PKD2: variants seen among roughly 807,000 people sequenced by gnomAD.
The protein encoded by PKD2 is polycystin 2, transient receptor potential cation channel, also known as polycystin-2.
A neutral mutation model predicts 105.9 loss-of-function variants in PKD2; 48 were observed. The ratio of observed to expected loss-of-function variants is 0.45; its 90% CI spans 0.36 to 0.58. PKD2 has a LOEUF of 0.58. Ranked by LOEUF, PKD2 falls within the 20% of genes least tolerant of loss-of-function variation. PKD2 has a pLI of 0.00. For synonymous variants in PKD2, 464 were observed against 481.1 expected (o/e 0.96, Z 0.46); for missense variants, 1,078 against 1,255.3 (o/e 0.86, Z 2.13).
intron 5 of PKD2, among the ~76,000 whole-genome samples, chr4:88,043,769 G>A (rs111833353): frequency 1.3e-5 from 2 of 152,128 alleles, no homozygotes; most frequent in African/African-American, 4.8e-5. Context: ...TATAAGGATG[G>A]TTAGTGCCAC....
At chr4:88,057,732 C>A (rs1720416820) in intron 8 of PKD2, among the ~76,000 whole-genome samples, 1 of 152,154 alleles carries the variant, frequency 6.6e-6, no homozygotes, top group Non-Finnish European at 1.5e-5. Flanking sequence ...CCGTGCCCAG[C>A]TTGTGTTTTC....
Position 88,043,423 on chromosome 4 carries a change from T to C in PKD2, c.1285T>C (p.Tyr429His). The change falls in exon 5 of 15, where the codon TAC becomes CAC. Residue 429 changes from tyrosine (Y) to histidine (H), a missense_variant. Transcript: ENST00000237596. Reference protein sequence around the residue: ...TRATFIDFSVYNANINLFCVV... With the variant: ...TRATFIDFSVHNANINLFCVV... ...GGCAACTTTTATTGACTTCTCAGTG[T>C]ACAACGCCAACATTAACCTGTTCTG... 1 of 1,613,722 alleles carries C rather than the reference T, an allele frequency of 6.2e-7. No homozygotes were observed. Among genetic ancestry groups the C allele is most frequent in the Non-Finnish European group, 8.5e-7 (1 of 1,179,668 alleles).
chr4:88,058,934 A>G (rs1487251088), intron 9 of PKD2, among the ~76,000 whole-genome samples: 3 of 152,178 alleles, frequency 2.0e-5, no homozygotes, highest in Non-Finnish European at 4.4e-5. Context: ...TCTAAACACT[A>G]ACAGTCATCT....
chr4:88,071,561 T>TTTG (rs146214957), intron 13 of PKD2, among the ~76,000 whole-genome samples: 26 of 152,120 alleles, frequency 1.7e-4, no homozygotes, highest in African/African-American at 4.3e-4. Flanking sequence ...GTTGTTTTGT[T>TTTG]TTGTTGTTGT....
intron 3 of PKD2, among the ~76,000 whole-genome samples, chr4:88,036,738 A>G (rs962304453): frequency 2.0e-5 from 3 of 152,216 alleles, no homozygotes; most frequent in Admixed American, 6.5e-5. Context: ...CAGCTACTTC[A>G]TCCTAGTTTG....
At chr4:88,019,278 A>G (rs1382786479) in intron 1 of PKD2, among the ~76,000 whole-genome samples, 180 bp from the exon 2 acceptor site, 1 of 152,220 alleles carries the variant, frequency 6.6e-6, no homozygotes, top group East Asian at 1.9e-4. Context: ...GTACTCTTAA[A>G]TAAAAGGTAG....
rs1013767312 is a variant in PKD2 at position 88,020,742 on chromosome 4, T to G, written c.709+1171T>G. Among the ~76,000 whole-genome samples, 187 of 149,910 alleles carry G rather than the reference T, an allele frequency of 1.2e-3. 3 individuals carry two copies. Among genetic ancestry groups the G allele is most frequent in the African/African-American group, 4.3e-3 (176 of 40,668 alleles). On this transcript the variant is annotated intron_variant, in intron 2 of 14. Transcript: ENST00000237596. The stretch of plus-strand genomic sequence containing the variant: ...TCTTGATCTGTTTCACAGGCCGGAG[T>G]GCAGTGGCACAATCATAGCTCACTG...
Position 88,043,387 on chromosome 4 carries a change from C to T in PKD2, c.1249C>T (p.Arg417Ter), listed in dbSNP as rs1324209174. The T allele has an allele frequency of 4.3e-6, 7 of 1,613,828 alleles. No individual in the cohort carries two copies. The highest frequency in any genetic ancestry group is 1.3e-5 in the African/African-American group (1 of 74,880). Reference sequence around the variant, plus strand: ...CCTCAAGAAAAATGTCTGGCTGGACCGAGGAACCAGGGCAACTTTTATTGA... The same window carrying T: ...CCTCAAGAAAAATGTCTGGCTGGACTGAGGAACCAGGGCAACTTTTATTGA... ...ASLKKNVWLDRGTRATFIDFS... is the reference protein window; with the variant it reads ...ASLKKNVWLD Residue 417 changes from arginine (R) to a stop codon, truncating the protein, a stop_gained, in exon 5 of 15, where the codon CGA becomes TGA. Transcript: ENST00000237596. LOFTEE classifies it high-confidence loss of function.
intron 1 of PKD2, among the ~76,000 whole-genome samples, chr4:88,014,156 G>A (rs1462029154): frequency 6.6e-6 from 1 of 152,176 alleles, no homozygotes; most frequent in African/African-American, 2.4e-5. Flanking sequence ...TCCATGGGAG[G>A]GATAAGAAGA....
At chr4:88,050,078 C>T (rs1190215789) in intron 6 of PKD2, among the ~76,000 whole-genome samples, 1 of 150,896 alleles carries the variant, frequency 6.6e-6, no homozygotes, top group African/African-American at 2.4e-5. Flanking sequence ...GGGTTCACGC[C>T]ATTCTCCCTC....
intron 14 of PKD2, among the ~76,000 whole-genome samples, chr4:88,075,180 T>G (rs896008985): frequency 6.6e-6 from 1 of 152,238 alleles, no homozygotes; most frequent in African/African-American, 2.4e-5. Flanking sequence ...ATCAATGTAG[T>G]CATATTGTCT....
At chr4:88,060,749 G>T (rs1461628602) in intron 9 of PKD2, among the ~76,000 whole-genome samples, 1 of 152,130 alleles carries the variant, frequency 6.6e-6, no homozygotes, top group African/African-American at 2.4e-5. Flanking sequence ...CATTACTACT[G>T]TGGAAGGGAA....
chr4:88,065,844 C>T lies in PKD2; in HGVS notation c.2323C>T (p.His775Tyr). 1 of 1,612,972 alleles carries T rather than the reference C, an allele frequency of 6.2e-7. No individual in the cohort carries two copies. Among genetic ancestry groups the T allele is most frequent in the Non-Finnish European group, 8.5e-7 (1 of 1,179,008 alleles). The part of the protein sequence containing the change: ...DGDQELTEHE[H>Y]QQMRDDLEKE... Reference sequence around the variant, plus strand: ...AGACCAAGAACTGACCGAACATGAACATCAGCAGATGAGAGACGACTTGGA... The same window carrying T: ...AGACCAAGAACTGACCGAACATGAATATCAGCAGATGAGAGACGACTTGGA... Residue 775 changes from histidine to tyrosine, a missense_variant, in exon 12 of 15, where the codon CAT (histidine) becomes TAT (tyrosine). Physicochemically the swap from His to Tyr is moderately conservative, Grantham distance 83. This residue lies in a region of PKD2 where 868 missense variants were observed against 1,067.3 expected (regional missense o/e 0.81). Transcript: ENST00000237596.
intron 9 of PKD2, among the ~76,000 whole-genome samples, chr4:88,058,866 A>G (rs192971657): frequency 7.0e-4 from 106 of 152,272 alleles, no homozygotes; most frequent in African/African-American, 2.2e-3. Flanking sequence ...TAACATTTAT[A>G]TATTCAATTG....
chr4:88,015,444 A>G (rs761220743), intron 1 of PKD2, among the ~76,000 whole-genome samples: 2 of 152,032 alleles, frequency 1.3e-5, no homozygotes, highest in African/African-American at 4.8e-5. Flanking sequence ...ACGGAGTTTC[A>G]CTCTTTTGCC....
intron 2 of PKD2, among the ~76,000 whole-genome samples, chr4:88,025,832 G>A (rs1245049902): frequency 6.6e-6 from 1 of 152,002 alleles, no homozygotes; most frequent in African/African-American, 2.4e-5. Context: ...TGGTTGTTTG[G>A]TAGGTGTCTG....
At chr4:88,022,172 T>C (rs1726775927) in intron 2 of PKD2, among the ~76,000 whole-genome samples, 1 of 152,222 alleles carries the variant, frequency 6.6e-6, no homozygotes, top group African/African-American at 2.4e-5. Flanking sequence ...GGGACCATAG[T>C]GGAGGACTCC....
chr4:88,032,930 A>C (rs1727211578), intron 2 of PKD2, among the ~76,000 whole-genome samples: 1 of 152,172 alleles, frequency 6.6e-6, no homozygotes, highest in Middle Eastern at 3.2e-3. Context: ...AATCATGAAC[A>C]GAGGCAGATG....
chr4:88,063,491 A>G (rs945538308), intron 10 of PKD2, among the ~76,000 whole-genome samples: 1 of 151,816 alleles, frequency 6.6e-6, no homozygotes, highest in East Asian at 1.9e-4. Flanking sequence ...AGATCGTGCC[A>G]TTGCACTCCA....
Sources: gnomAD v4.1 joint callset for allele counts (sites outside exome capture counted in the v4.1 genomes callset) on GRCh38, gnomAD v4.1.1 for gene constraint, gnomAD v4.1.1 regional missense constraint, MANE v1.5 for transcripts, NCBI Gene and HGNC (gene_info 2026-07-23, HGNC 2026-07-21) for gene names.